Variants in ERLIN2 observed in about 807,000 individuals in gnomAD.
ERLIN2 encodes erlin-2.
Under a neutral mutation model 41.5 loss-of-function variants are expected in ERLIN2, and 22 were observed. The ratio of observed to expected loss-of-function variants is 0.53; its 90% CI spans 0.38 to 0.76. ERLIN2 has a LOEUF of 0.76. ERLIN2 is among the 30% of genes least tolerant of loss of function. The probability of loss-of-function intolerance (pLI) is 0.00; values close to 1 mark genes in which losing one functional copy is unlikely to be tolerated. For synonymous variants in ERLIN2, 149 were observed against 150.9 expected, an observed-to-expected ratio of 0.99 and a Z score of 0.09; for missense variants, 247 against 414.3, an observed-to-expected ratio of 0.60 and a Z score of 3.51.
chr8:37,743,800 A>G (rs114317179), intron 4 of ERLIN2, among the ~76,000 whole-genome samples: 1,958 of 150,102 alleles, frequency 0.013, 46 homozygotes, highest in African/African-American at 0.045. Flanking sequence ...AAATGTTCAG[A>G]AAAAAAAAAG....
At chr8:37,746,168 A>G (rs1379965535) in intron 6 of ERLIN2, 1 of 988,850 alleles carries the variant, frequency 1.0e-6, no homozygotes, top group Non-Finnish European at 1.2e-6. Context: ...CATATCCATA[A>G]AGGAGGAGCT....
chr8:37,744,037 T>G (rs544542507), intron 4 of ERLIN2, among the ~76,000 whole-genome samples: 1 of 152,342 alleles, frequency 6.6e-6, no homozygotes. Context: ...TTGACCCTCC[T>G]TAGTCTTTTC....
At chr8:37,736,705 C>T in intron 1 of ERLIN2, 27 bp downstream of exon 1, 2 of 985,646 alleles carry the variant, frequency 2.0e-6, no homozygotes, top group South Asian at 9.4e-5. Context: ...CCTTCGTGCG[C>T]GCGCTGGGCC....
At chr8:37,745,750 T>C in intron 6 of ERLIN2, 5 of 1,516,220 alleles carry the variant, frequency 3.3e-6, no homozygotes, top group South Asian at 1.3e-5. Flanking sequence ...CAGTAGAAAA[T>C]GAATCTAAAT....
rs760631487 is a variant in ERLIN2 at position 37,742,190 on chromosome 8, A to C, written c.236+372A>C. Among the ~76,000 whole-genome samples the C allele has an allele frequency of 2.1e-4, 32 of 152,004 alleles. 1 individual carries two copies. Among genetic ancestry groups the C allele is most frequent in the Middle Eastern group, 3.4e-3 (1 of 294 alleles). On this transcript the variant is annotated intron_variant, in intron 4 of 11. Transcript: ENST00000519638. Reference sequence around the variant, plus strand: ...AACCCCGTCTCTACTAAAATACAAAAATTAGCTGGGTGTGGTGGTGCATGC... The same window carrying C: ...AACCCCGTCTCTACTAAAATACAAACATTAGCTGGGTGTGGTGGTGCATGC...
At position 37,753,989 on chromosome 8, in the gene ERLIN2, C is replaced by T. The variant is rs1389662729; in HGVS notation, c.894C>T (p.Gly298=). 8.1e-6 allele frequency: 13 copies of T among 1,613,498 alleles called. No individual in the cohort carries two copies. The African/African-American group carries it at 1.3e-4, about 17-fold the overall frequency. ...CTTCCAACAGCAAGATTTACTTTGG[C>T]AAAGACATTCCTAACATGTTCATGG... ...AIASNSKIYF[G]KDIPNMFMDS... is the part of the protein sequence containing the mutation. Residue 298 remains glycine (G), a synonymous_variant, in exon 12 of 12, where the codon GGC becomes GGT. Transcript: ENST00000519638.
At position 37,741,894 on chromosome 8, in the gene ERLIN2, C is replaced by A; in HGVS notation, c.236+76C>A. 1 of 1,178,872 alleles carries A rather than the reference C, an allele frequency of 8.5e-7. No individual in the cohort carries two copies. The highest frequency in any genetic ancestry group is 1.3e-6 in the Non-Finnish European group (1 of 784,858). 73.0% of individuals were successfully genotyped at this position (1,178,872 alleles called of 1,614,324 possible). On this transcript the variant is annotated intron_variant, in intron 4 of 11. Transcript: ENST00000519638. The surrounding 1 kb of genome is among the most constrained non-coding windows in gnomAD (Gnocchi z 4.8). ...CTGTCTGGCTGGTTGCAGGAAGAGACAGTGAAAAGGGAGGCACCCTTTCTT... is the reference window on the plus strand; with the variant it reads ...CTGTCTGGCTGGTTGCAGGAAGAGAAAGTGAAAAGGGAGGCACCCTTTCTT...
chr8:37,743,962 A>G (rs1802946551), intron 4 of ERLIN2, among the ~76,000 whole-genome samples: 2 of 152,248 alleles, frequency 1.3e-5, no homozygotes, highest in Admixed American at 1.3e-4. Flanking sequence ...GTAATAGTGA[A>G]GACAGTTTAA....
At chr8:37,747,337 T>C (rs559731018) in intron 6 of ERLIN2, 6 of 1,257,556 alleles carry the variant, frequency 4.8e-6, no homozygotes, top group Non-Finnish European at 7.0e-6. Flanking sequence ...AAAGCCTGGT[T>C]ATTTGAACTG....
At chr8:37,737,617 G>A in intron 1 of ERLIN2, 1 of 422,144 alleles carries the variant, frequency 2.4e-6, no homozygotes, top group Non-Finnish European at 4.4e-6. Context: ...AGGAAGACAA[G>A]GCTGTGTTCT....
chr8:37,754,356 C>T lies in ERLIN2; in HGVS notation c.*241C>T, dbSNP rs1585919628. On this transcript the variant is annotated 3_prime_UTR_variant, in exon 12 of 12. Coordinates refer to ENST00000519638, the MANE Select transcript of ERLIN2 (RefSeq NM_007175.8). The stretch of plus-strand genomic sequence containing the variant: ...TCCAATAAGATTTGTAAATCATGGG[C>T]TTGACCTTTGACCTCTAGACACTAA... 3.9e-6 allele frequency: 2 copies of T among 516,076 alleles called. No homozygotes were observed. The highest frequency in any genetic ancestry group is 3.6e-5 in the East Asian group (1 of 27,662). 32.0% of individuals were successfully genotyped at this position (516,076 alleles called of 1,614,324 possible).
chr8:37,752,779 C>T (rs565295143), intron 10 of ERLIN2, among the ~76,000 whole-genome samples: 3 of 152,308 alleles, frequency 2.0e-5, no homozygotes, highest in South Asian at 4.1e-4. Context: ...AAGAATATGA[C>T]TTGCATAGAG....
At chr8:37,750,068 C>A in intron 8 of ERLIN2, 1 of 647,200 alleles carries the variant, frequency 1.5e-6, no homozygotes. Context: ...CCCTGTAGAG[C>A]AGCGATGTTT....
At chr8:37,752,631 C>A (rs1047936081) in intron 10 of ERLIN2, among the ~76,000 whole-genome samples, 3 of 152,216 alleles carry the variant, frequency 2.0e-5, no homozygotes, top group African/African-American at 7.2e-5. Context: ...TGAAAACCCA[C>A]CCACAGACTA....
rs75254419 is a variant in ERLIN2 at position 37,737,050 on chromosome 8, A to T, written c.-16+372A>T. ...CAGATGTCCGCGCCCCGGTTACGTT[A>T]GACCTGGGAGGCAGAATCCACGCCC... On this transcript the variant is annotated intron_variant, in intron 1 of 11. Coordinates refer to ENST00000519638, the MANE Select transcript of ERLIN2 (RefSeq NM_007175.8). 3,309 of 931,546 alleles carry T rather than the reference A, an allele frequency of 3.6e-3. 81 individuals are homozygous for T. The African/African-American group carries it at 0.055, about 16-fold the overall frequency. 57.7% of individuals were successfully genotyped at this position (931,546 alleles called of 1,614,324 possible). A position where few individuals can be genotyped will look rare whatever the true frequency, so the allele number is the denominator to read the frequency against.
At chr8:37,747,688 G>T (rs775906072) in intron 6 of ERLIN2, 28 of 1,589,566 alleles carry the variant, frequency 1.8e-5, no homozygotes, top group Non-Finnish European at 2.4e-5. Flanking sequence ...AGCATTCTTC[G>T]GCTGGGATTG....
chr8:37,737,802 GAT>G, intron 1 of ERLIN2, 104 bp from the exon 2 acceptor site: 1 of 1,342,796 alleles, frequency 7.4e-7, no homozygotes, highest in East Asian at 2.3e-5. Flanking sequence ...CACCAGGCTG[GAT>G]ATGAGTCACT....
chr8:37,745,408 G>A lies in ERLIN2; in HGVS notation c.424+712G>A, dbSNP rs1026495522. The A allele has an allele frequency of 5.7e-6, 4 of 698,772 alleles. No individual in the cohort carries two copies. The African/African-American group carries it at 7.2e-5, about 13-fold the overall frequency. The allele number at this position is 698,772 out of a possible 1,614,324, so 43.3% of individuals were successfully genotyped here. A position where few individuals can be genotyped will look rare whatever the true frequency, so the allele number is the denominator to read the frequency against. On this transcript the variant is annotated intron_variant, in intron 6 of 11. Transcript: ENST00000519638. ...TCCTTTTTACCTTTTTCAAAGTAAAGGCAACCTGACTTAGCAGCAAAGGAA... is the reference window on the plus strand; with the variant it reads ...TCCTTTTTACCTTTTTCAAAGTAAAAGCAACCTGACTTAGCAGCAAAGGAA...
intron 6 of ERLIN2, chr8:37,747,466 T>C: frequency 6.2e-7 from 1 of 1,611,952 alleles, no homozygotes; most frequent in Non-Finnish European, 8.5e-7. Context: ...TTTGGCATTC[T>C]GTGCATACGA....
Sources: allele counts gnomAD v4.1 joint callset (sites outside exome capture counted in the v4.1 genomes callset), GRCh38; gene constraint gnomAD v4.1.1; non-coding constraint Gnocchi (gnomAD v3.1); transcripts MANE v1.5; gene names NCBI Gene and HGNC (gene_info 2026-07-23, HGNC 2026-07-21).